Variants in GPBP1 observed in about 807,000 individuals in gnomAD.
GPBP1 encodes the protein vasculin.
GPBP1 carries 13 observed loss-of-function variants against 56.5 expected under a neutral mutation model. The ratio of observed to expected loss-of-function variants is 0.23; its 90% CI spans 0.15 to 0.37. GPBP1 has a LOEUF of 0.37. Among genes scored for constraint, GPBP1 ranks in the 10% least tolerant of loss-of-function variants. The probability of loss-of-function intolerance (pLI) is 1.00; values close to 1 mark genes in which losing one functional copy is unlikely to be tolerated. For missense variants in GPBP1, 477 were observed against 572.3 expected (o/e 0.83, Z 1.70); for synonymous variants, 204 against 188.9 (o/e 1.08, Z -0.66).
intron 2 of GPBP1, among the ~76,000 whole-genome samples, chr5:57,197,584 C>T (rs954127582): frequency 6.6e-6 from 1 of 152,110 alleles, no homozygotes; most frequent in Non-Finnish European, 1.5e-5. Flanking sequence ...GTCTAGAACT[C>T]CTGACCTCAG....
At chr5:57,248,035 C>T (rs1407683605) in intron 8 of GPBP1, among the ~76,000 whole-genome samples, 2 of 152,124 alleles carry the variant, frequency 1.3e-5, no homozygotes, top group Admixed American at 1.3e-4. Context: ...ATCCACCACA[C>T]CTGGACCAAG....
chr5:57,234,962 A>G (rs546006911), intron 5 of GPBP1, among the ~76,000 whole-genome samples: 2 of 152,328 alleles, frequency 1.3e-5, no homozygotes, highest in Admixed American at 1.3e-4. Context: ...CTTCTGATCT[A>G]CAGAGCTATG....
intron 2 of GPBP1, among the ~76,000 whole-genome samples, chr5:57,179,372 AG>A (rs1409063875): frequency 6.2e-5 from 4 of 64,054 alleles, no homozygotes; most frequent in Non-Finnish European, 1.8e-4. Flanking sequence ...TGTTTGAGAC[AG>A]GGTCTCGCTC....
chr5:57,183,469 G>A (rs931084771), intron 2 of GPBP1, among the ~76,000 whole-genome samples: 5 of 152,110 alleles, frequency 3.3e-5, no homozygotes, highest in Admixed American at 2.0e-4. Flanking sequence ...GCTCACGCCT[G>A]TAATCCAGCA....
chr5:57,207,044 C>T (rs1755262178), intron 2 of GPBP1, among the ~76,000 whole-genome samples: 1 of 152,094 alleles, frequency 6.6e-6, no homozygotes. Flanking sequence ...GTGGAGGCTG[C>T]ATTGAGTCAT....
At chr5:57,194,220 T>A (rs773395021) in intron 2 of GPBP1, among the ~76,000 whole-genome samples, 1 of 152,220 alleles carries the variant, frequency 6.6e-6, no homozygotes, top group African/African-American at 2.4e-5. Flanking sequence ...TGAGTAGCGC[T>A]AGTGAATAGT....
intron 8 of GPBP1, among the ~76,000 whole-genome samples, chr5:57,248,455 T>G (rs1025659194): frequency 3.8e-5 from 5 of 132,810 alleles, no homozygotes; most frequent in African/African-American, 1.4e-4. Context: ...TGAGACGGAG[T>G]CTCGCTCTGT....
At chr5:57,209,045 T>C (rs1417061864) in intron 2 of GPBP1, among the ~76,000 whole-genome samples, 2 of 152,144 alleles carry the variant, frequency 1.3e-5, no homozygotes, top group African/African-American at 2.4e-5. Context: ...TTCTTGGTTA[T>C]ATTTATTTAT....
chr5:57,248,150 A>G (rs1332604477), intron 8 of GPBP1, among the ~76,000 whole-genome samples: 1 of 152,188 alleles, frequency 6.6e-6, no homozygotes, highest in African/African-American at 2.4e-5. Context: ...TTTGTATTGT[A>G]TAATGTCTTC....
At chr5:57,202,289 C>T (rs1380114108) in intron 2 of GPBP1, among the ~76,000 whole-genome samples, 1 of 151,734 alleles carries the variant, frequency 6.6e-6, no homozygotes, top group Non-Finnish European at 1.5e-5. Flanking sequence ...CTGGCTCCAG[C>T]ATTGTTTTTG....
intron 3 of GPBP1, among the ~76,000 whole-genome samples, chr5:57,221,877 T>A (rs1755972482): frequency 6.6e-6 from 1 of 152,220 alleles, no homozygotes; most frequent in Non-Finnish European, 1.5e-5. Context: ...ACTTTTAATT[T>A]GATTTTTGCT....
intron 2 of GPBP1, among the ~76,000 whole-genome samples, chr5:57,182,970 A>C (rs528062757): frequency 6.6e-6 from 1 of 152,344 alleles, no homozygotes; most frequent in East Asian, 1.9e-4. Context: ...GGCATGAGCC[A>C]CTGCGTCTGG....
chr5:57,203,248 C>G (rs897362234), intron 2 of GPBP1, among the ~76,000 whole-genome samples: 1 of 152,018 alleles, frequency 6.6e-6, no homozygotes, highest in Non-Finnish European at 1.5e-5. Context: ...TATGTACTTA[C>G]ATACATTTAT....
At chr5:57,205,036 C>G (rs1372805327) in intron 2 of GPBP1, among the ~76,000 whole-genome samples, 1 of 152,132 alleles carries the variant, frequency 6.6e-6, no homozygotes, top group Admixed American at 6.6e-5. Flanking sequence ...TGTTTTCAAG[C>G]CTCCACCTCT....
chr5:57,219,375 CAAAAAAAAA>C (rs869152603), intron 3 of GPBP1, among the ~76,000 whole-genome samples: 1 of 35,316 alleles, frequency 2.8e-5, no homozygotes, highest in African/African-American at 1.1e-4. Flanking sequence ...GACTCTGTCT[CAAAAAAAAA>C]AAAAAAAAAA....
intron 9 of GPBP1, among the ~76,000 whole-genome samples, 170 bp downstream of exon 9, chr5:57,249,746 T>C (rs1580075011): frequency 1.0e-5 from 1 of 100,436 alleles, no homozygotes; most frequent in African/African-American, 3.9e-5. Context: ...TTTTCTCGCC[T>C]CCCCCCTTCC....
chr5:57,191,089 T>C (rs1185705195), intron 2 of GPBP1, among the ~76,000 whole-genome samples: 1 of 151,650 alleles, frequency 6.6e-6, no homozygotes, highest in South Asian at 2.1e-4. Context: ...CTTAGCTGTT[T>C]TTTTCTTTTC....
chr5:57,208,702 G>C (rs1755347123), intron 2 of GPBP1, among the ~76,000 whole-genome samples: 2 of 148,364 alleles, frequency 1.3e-5, no homozygotes, highest in Non-Finnish European at 3.0e-5. Context: ...CGTCGTCCAG[G>C]CTGGAGTGCA....
At chr5:57,181,895 T>C (rs1384039602) in intron 2 of GPBP1, among the ~76,000 whole-genome samples, 2 of 152,210 alleles carry the variant, frequency 1.3e-5, no homozygotes, top group Non-Finnish European at 2.9e-5. Context: ...CTGCTTGCTT[T>C]TCCCATTTTG....
Sources: gnomAD v4.1 joint callset for allele counts (sites outside exome capture counted in the v4.1 genomes callset) on GRCh38, gnomAD v4.1.1 for gene constraint, MANE v1.5 for transcripts, NCBI Gene and HGNC (gene_info 2026-07-23, HGNC 2026-07-21) for gene names.